The following NDUFA3 variants were observed in gnomAD, a reference collection of about 807,000 sequenced individuals.
NDUFA3 encodes the protein NADH dehydrogenase [ubiquinone] 1 alpha subcomplex subunit 3.
A neutral mutation model predicts 11.4 loss-of-function variants in NDUFA3; 10 were observed. The ratio of observed to expected loss-of-function variants is 0.87; its 90% CI spans 0.54 to 1.48. The LOEUF (loss-of-function observed/expected upper bound fraction) is 1.48. Ranked by LOEUF, NDUFA3 falls within the 40% of genes most tolerant of loss-of-function variation. The probability of loss-of-function intolerance (pLI) is 0.00; values close to 1 mark genes in which losing one functional copy is unlikely to be tolerated. For synonymous variants in NDUFA3, 39 were observed against 46.9 expected, an observed-to-expected ratio of 0.83 and a Z score of 0.68; for missense variants, 115 against 110.5, an observed-to-expected ratio of 1.04 and a Z score of -0.18.
intron 1 of NDUFA3, 28 bp from the exon 2 acceptor site, chr19:54,103,086 G>C (rs780792692): frequency 1.9e-6 from 3 of 1,609,092 alleles, no homozygotes; most frequent in East Asian, 4.5e-5. Context: ...GCTACTTGCA[G>C]GGGTGACGCT....
At chr19:54,103,026 GC>G in intron 1 of NDUFA3, 87 bp from the exon 2 acceptor site, 1 of 1,536,682 alleles carries the variant, frequency 6.5e-7, no homozygotes, top group Non-Finnish European at 8.9e-7. Flanking sequence ...TCACGAGGGG[GC>G]TCCTCCAGGG....
rs150613945 is a variant in NDUFA3 at position 54,106,618 on chromosome 19, C to T, written c.164-193C>T. On this transcript the variant is annotated intron_variant, in intron 3 of 3. Coordinates refer to ENST00000485876, the MANE Select transcript of NDUFA3 (RefSeq NM_004542.4). ...TCTCTAGTGCGCGGGATCTCTCCCT[C>T]GCTATCTCTCTGGTTTTCCGTGTCT... 374 of 512,334 alleles carry T rather than the reference C, an allele frequency of 7.3e-4. 2 individuals are homozygous for T. Among genetic ancestry groups the T allele is most frequent in the African/African-American group, 6.4e-3 (326 of 50,868 alleles). The allele number at this position is 512,334 out of a possible 1,614,324, so 31.7% of individuals were successfully genotyped here.
chr19:54,104,338 A>C (rs1187889382), intron 2 of NDUFA3, among the ~76,000 whole-genome samples: 1 of 151,168 alleles, frequency 6.6e-6, no homozygotes, highest in Admixed American at 6.6e-5. Context: ...AGGTTTCACC[A>C]TGTTGGCCAG....
intron 2 of NDUFA3, 87 bp downstream of exon 2, chr19:54,103,275 C>T (rs1187168753): frequency 7.4e-7 from 1 of 1,357,316 alleles, no homozygotes. Context: ...GCCCTATCGC[C>T]GCCCTCGGGT....
chr19:54,106,766 C>T (rs770990148), intron 3 of NDUFA3, 45 bp from the exon 4 acceptor site: 143 of 1,525,716 alleles, frequency 9.4e-5, no homozygotes, highest in Non-Finnish European at 1.2e-4. Flanking sequence ...CTCTCCAGGG[C>T]CCTGGAGACG....
At position 54,107,557 on chromosome 19, in the gene NDUFA3, A is replaced by C. The variant is rs1336678817; in HGVS notation, c.*655A>C. ...AGCCACTGCACCTGGCCAGCCTCACAGTTCTTGTCTGCCCAGGCCAGTCAC... is the reference window on the plus strand; with the variant it reads ...AGCCACTGCACCTGGCCAGCCTCACCGTTCTTGTCTGCCCAGGCCAGTCAC... On this transcript the variant is annotated 3_prime_UTR_variant, in exon 4 of 4. Coordinates refer to ENST00000485876, the MANE Select transcript of NDUFA3 (RefSeq NM_004542.4). The C allele has an allele frequency of 6.9e-6, 2 of 289,856 alleles. No individual in the cohort carries two copies. The highest frequency in any genetic ancestry group is 1.3e-5 in the Non-Finnish European group (2 of 154,582). 18.0% of individuals were successfully genotyped at this position (289,856 alleles called of 1,614,324 possible).
intron 2 of NDUFA3, among the ~76,000 whole-genome samples, chr19:54,104,632 G>A (rs112305501): frequency 3.9e-5 from 6 of 152,290 alleles, no homozygotes; most frequent in African/African-American, 1.4e-4. Flanking sequence ...GGTGGTATAA[G>A]ACACTGGATT....
At position 54,105,944 on chromosome 19, in the gene NDUFA3, G is replaced by A. The variant is rs1407203514; in HGVS notation, c.96G>A (p.Leu32=). The change falls in exon 3 of 4, where the codon CTG becomes CTA. Residue 32 remains leucine, a synonymous_variant. Transcript: ENST00000485876. The part of the protein sequence containing the change: ...SFVVGGLAVI[L]PPLSPYFKYS... ...TGTGTCTCTCCACAGCTGTAATTCT[G>A]CCCCCATTGAGCCCCTACTTCAAGT... 5 of 1,612,626 alleles carry A rather than the reference G, an allele frequency of 3.1e-6. No homozygotes were observed. The highest frequency in any genetic ancestry group is 4.2e-6 in the Non-Finnish European group (5 of 1,179,062).
At chr19:54,106,057 C>T (rs770432225) in intron 3 of NDUFA3, 46 bp downstream of exon 3, 1 of 1,551,590 alleles carries the variant, frequency 6.4e-7, no homozygotes, top group Non-Finnish European at 8.9e-7. Context: ...CCCAGCCTCC[C>T]TGTGCTGGCG....
intron 1 of NDUFA3, 77 bp from the exon 2 acceptor site, chr19:54,103,037 G>T: frequency 6.4e-7 from 1 of 1,553,774 alleles, no homozygotes. Context: ...CTCCTCCAGG[G>T]CAGGGGTGGC....
chr19:54,106,139 T>G lies in NDUFA3; in HGVS notation c.163+128T>G. ...CTGCAGTGGTGCCCGGACCCCCCGT[T>G]CCATTTTTTAAGAATTGAGATATAA... On this transcript the variant is annotated intron_variant, in intron 3 of 3. Coordinates refer to ENST00000485876, the MANE Select transcript of NDUFA3 (RefSeq NM_004542.4). 1.6e-5 allele frequency: 13 copies of G among 827,554 alleles called. 2 individuals carry two copies. The South Asian group carries it at 2.0e-4, about 13-fold the overall frequency. 51.3% of individuals were successfully genotyped at this position (827,554 alleles called of 1,614,324 possible).
At chr19:54,105,565 G>C in intron 2 of NDUFA3, 1 of 442,974 alleles carries the variant, frequency 2.3e-6, no homozygotes. Context: ...CACTGTGCCC[G>C]GCCAAATTTG....
chr19:54,106,735 TA>T lies in NDUFA3; in HGVS notation c.164-73del, dbSNP rs2073272643. 17 of 1,297,678 alleles carry T rather than the reference TA, an allele frequency of 1.3e-5. No individual in the cohort carries two copies. In the South Asian group the frequency reaches 2.4e-4, roughly 18 times the overall value. The allele number at this position is 1,297,678 out of a possible 1,614,324, so 80.4% of individuals were successfully genotyped here. ...GGGGTCCCCCTTCCCTCTCTGAACA[TA>T]AAGCGACAGACCAGCTCTTCTCTCC... is the stretch of plus-strand genomic sequence containing the variant. On this transcript the variant is annotated intron_variant, in intron 3 of 3. Coordinates refer to ENST00000485876, the MANE Select transcript of NDUFA3 (RefSeq NM_004542.4).
At position 54,103,166 on chromosome 19, in the gene NDUFA3, G is replaced by C; in HGVS notation, c.63G>C (p.Val21=). 1 of 1,601,616 alleles carries C rather than the reference G, an allele frequency of 6.2e-7. No individual in the cohort carries two copies. The highest frequency in any genetic ancestry group is 8.5e-7 in the Non-Finnish European group (1 of 1,171,892). The change falls in exon 2 of 4, where the codon GTG becomes GTC. Residue 21 remains valine (V), a synonymous_variant. Transcript: ENST00000485876. ...NAWDKEPVLV[V]SFVVGGLAVI... ...GGGACAAGGAGCCAGTGCTGGTCGT[G>C]TCCTTCGTCGTCGGGGGCCTCGGTG... is the stretch of plus-strand genomic sequence containing the variant.
chr19:54,103,466 A>ATCC (rs1422498834), intron 2 of NDUFA3, among the ~76,000 whole-genome samples: 2 of 151,912 alleles, frequency 1.3e-5, no homozygotes, highest in Admixed American at 6.6e-5. Flanking sequence ...AAAAGTCCAG[A>ATCC]TCCTCCTCCT....
At chr19:54,102,929 C>T (rs749447805) in intron 1 of NDUFA3, 41 bp downstream of exon 1, 20 of 1,602,616 alleles carry the variant, frequency 1.2e-5, no homozygotes, top group South Asian at 1.1e-4. Flanking sequence ...TCGGGTAGTT[C>T]TGGGAACCTC....
chr19:54,104,813 A>T (rs927748445), intron 2 of NDUFA3, among the ~76,000 whole-genome samples: 59 of 151,594 alleles, frequency 3.9e-4, no homozygotes, highest in African/African-American at 1.4e-3. Context: ...ATCTCGGCTC[A>T]CTGCAACCTC....
In NDUFA3 at chr19:54,105,970, A is replaced by T. The variant is rs1221256643; in HGVS notation, c.122A>T (p.Tyr41Phe). Residue 41 changes from tyrosine (Y) to phenylalanine (F), a missense_variant, in exon 3 of 4, where the codon TAC (tyrosine) becomes TTC (phenylalanine). By Grantham distance (22) the Tyr-to-Phe change is conservative. Transcript: ENST00000485876. Reference sequence around the variant, plus strand: ...CCCCCATTGAGCCCCTACTTCAAGTACTCCGTCATGATCAACAAGGCCACG... The same window carrying T: ...CCCCCATTGAGCCCCTACTTCAAGTTCTCCGTCATGATCAACAAGGCCACG... Reference protein sequence around the residue: ...ILPPLSPYFKYSVMINKATPY... With the variant: ...ILPPLSPYFKFSVMINKATPY... 1.2e-6 allele frequency: 2 copies of T among 1,613,542 alleles called. No homozygotes were observed. Among genetic ancestry groups the T allele is most frequent in the Non-Finnish European group, 1.7e-6 (2 of 1,179,834 alleles).
intron 3 of NDUFA3, chr19:54,106,302 G>A: frequency 2.2e-6 from 1 of 451,060 alleles, no homozygotes. Flanking sequence ...GAGTAGCTGG[G>A]ACTACAGGTG....
Sources: allele counts gnomAD v4.1 joint callset (sites outside exome capture counted in the v4.1 genomes callset), GRCh38; gene constraint gnomAD v4.1.1; transcripts MANE v1.5; gene names NCBI Gene and HGNC (gene_info 2026-07-23, HGNC 2026-07-21).